Variants in LY96 observed in about 807,000 individuals in gnomAD.
LY96 encodes lymphocyte antigen 96, also known as myeloid differentiation protein-2.
LY96 carries 18 observed loss-of-function variants against 18.9 expected under a neutral mutation model. That is an observed-to-expected ratio of 0.95 (90% CI 0.66 to 1.41). The LOEUF (loss-of-function observed/expected upper bound fraction) is 1.41, where lower values mean the gene tolerates loss of function less well. Ranked by LOEUF, LY96 falls within the 40% of genes most tolerant of loss-of-function variation. The probability of loss-of-function intolerance (pLI) is 0.00; values close to 1 mark genes in which losing one functional copy is unlikely to be tolerated. For synonymous variants in LY96, 66 were observed against 62.6 expected (o/e 1.06, Z -0.26); for missense variants, 175 against 182.4 (o/e 0.96, Z 0.23).
At chr8:74,010,261 T>C (rs1047056112) in intron 3 of LY96, 132 bp downstream of exon 3, 4 of 784,604 alleles carry the variant, frequency 5.1e-6, no homozygotes, top group Non-Finnish European at 8.3e-6. Context: ...AGTTTTTACT[T>C]TAGCAGCTTA....
chr8:74,099,201 G>C, the LY96 span, among the ~76,000 whole-genome samples: 1 of 152,156 alleles, frequency 6.6e-6, no homozygotes, highest in Non-Finnish European at 1.5e-5. Context: ...CCTCAACTGA[G>C]TAAACAGACC....
intron 4 of LY96, 138 bp downstream of exon 4, chr8:74,026,979 G>T: frequency 5.1e-6 from 3 of 586,506 alleles, no homozygotes; most frequent in Non-Finnish European, 9.3e-6. Context: ...TGTTACCCAG[G>T]CTGGAGTGCA....
the LY96 span, among the ~76,000 whole-genome samples, chr8:74,081,455 T>C: frequency 6.6e-6 from 1 of 151,498 alleles, no homozygotes; most frequent in Non-Finnish European, 1.5e-5. Context: ...AGAGAAGTTC[T>C]TCCTGTGTTG....
chr8:74,094,328 T>C, the LY96 span, among the ~76,000 whole-genome samples: 1 of 151,990 alleles, frequency 6.6e-6, no homozygotes, highest in Admixed American at 6.6e-5. Context: ...TGAAAAAAGG[T>C]GGGACATAAT....
chr8:74,047,713 A>G, the LY96 span, among the ~76,000 whole-genome samples: 1 of 152,124 alleles, frequency 6.6e-6, no homozygotes, highest in South Asian at 2.1e-4. Context: ...TACAGTTAAT[A>G]ATAATACTTA....
chr8:74,026,231 T>A (rs1216867480), intron 3 of LY96, among the ~76,000 whole-genome samples: 1 of 152,248 alleles, frequency 6.6e-6, no homozygotes, highest in African/African-American at 2.4e-5. Flanking sequence ...CATTCACTAC[T>A]TTGTTCTGAC....
chr8:74,066,014 T>G, the LY96 span, among the ~76,000 whole-genome samples: 1 of 152,222 alleles, frequency 6.6e-6, no homozygotes, highest in Non-Finnish European at 1.5e-5. Flanking sequence ...CAACCTTGTA[T>G]GTGAGGGAAG....
downstream of LY96, among the ~76,000 whole-genome samples, chr8:74,030,743 A>G (rs545300928): frequency 6.6e-6 from 1 of 152,336 alleles, no homozygotes; most frequent in East Asian, 1.9e-4. Flanking sequence ...AAAGTACAAC[A>G]TTCATTGAAA....
At chr8:74,081,240 C>G in the LY96 span, among the ~76,000 whole-genome samples, 3,374 of 145,820 alleles carry the variant, frequency 0.023, 119 homozygotes, top group African/African-American at 0.079. Flanking sequence ...CTCTTTCTTT[C>G]CCTCTCTCCC....
chr8:74,027,093 C>A (rs1291980793), intron 4 of LY96, among the ~76,000 whole-genome samples: 1 of 152,038 alleles, frequency 6.6e-6, no homozygotes, highest in African/African-American at 2.4e-5. Context: ...GTCCATGCCA[C>A]AATGCCAGCT....
intron 3 of LY96, among the ~76,000 whole-genome samples, chr8:74,022,996 G>A (rs933312006): frequency 4.6e-5 from 7 of 152,040 alleles, no homozygotes; most frequent in African/African-American, 1.4e-4. Flanking sequence ...CCCCATATAC[G>A]GAAGGGCCCC....
At chr8:74,078,861 A>C in the LY96 span, among the ~76,000 whole-genome samples, 1 of 152,222 alleles carries the variant, frequency 6.6e-6, no homozygotes, top group Non-Finnish European at 1.5e-5. Flanking sequence ...TACTATTCTG[A>C]ATTTTAATTA....
At chr8:74,042,564 T>A in the LY96 span, among the ~76,000 whole-genome samples, 2 of 152,152 alleles carry the variant, frequency 1.3e-5, no homozygotes, top group African/African-American at 4.8e-5. Flanking sequence ...TCTGCTTTTT[T>A]ACACAAGAGC....
the LY96 span, among the ~76,000 whole-genome samples, chr8:74,077,924 G>A: frequency 2.6e-5 from 4 of 151,732 alleles, no homozygotes; most frequent in African/African-American, 9.7e-5. Context: ...CCTGGGAAAC[G>A]AAGCGAGACC....
At chr8:74,067,983 C>T in the LY96 span, among the ~76,000 whole-genome samples, 1 of 140,764 alleles carries the variant, frequency 7.1e-6, no homozygotes, top group Non-Finnish European at 1.5e-5. Flanking sequence ...ATTGCTTGAA[C>T]CCAGGAGGTG....
At chr8:74,060,169 G>A in the LY96 span, among the ~76,000 whole-genome samples, 1 of 152,208 alleles carries the variant, frequency 6.6e-6, no homozygotes, top group South Asian at 2.1e-4. Flanking sequence ...CGACGACGAC[G>A]ACGACGACGA....
the LY96 span, among the ~76,000 whole-genome samples, chr8:74,085,197 A>G: frequency 1.3e-5 from 2 of 152,240 alleles, no homozygotes; most frequent in African/African-American, 4.8e-5. Flanking sequence ...AGTCTATGTT[A>G]TTCCCATTTT....
chr8:74,012,433 A>T (rs915070826), intron 3 of LY96, among the ~76,000 whole-genome samples: 1 of 152,240 alleles, frequency 6.6e-6, no homozygotes, highest in African/African-American at 2.4e-5. Flanking sequence ...CAAACCAGGC[A>T]CAGAAAGTCA....
At chr8:74,058,089 T>C in the LY96 span, among the ~76,000 whole-genome samples, 9 of 152,108 alleles carry the variant, frequency 5.9e-5, no homozygotes, top group African/African-American at 1.9e-4. Context: ...TGAACAAATA[T>C]GCCTGGGAGA....
Sources: allele counts gnomAD v4.1 joint callset (sites outside exome capture counted in the v4.1 genomes callset), GRCh38; gene constraint gnomAD v4.1.1; transcripts MANE v1.5; gene names NCBI Gene and HGNC (gene_info 2026-07-23, HGNC 2026-07-21).